KCMF1: variants seen among roughly 807,000 people sequenced by gnomAD.
KCMF1 encodes the protein E3 ubiquitin-protein ligase KCMF1.
A neutral mutation model predicts 41.1 loss-of-function variants in KCMF1; 3 were observed. That is an observed-to-expected ratio of 0.07 (90% confidence interval 0.03 to 0.19). KCMF1 has a LOEUF of 0.19. Among genes scored for constraint, KCMF1 ranks in the 10% least tolerant of loss-of-function variants. The pLI, the probability that KCMF1 is intolerant of heterozygous loss-of-function variation, is 1.00. For missense variants in KCMF1, 286 were observed against 488.9 expected, an observed-to-expected ratio of 0.58 and a Z score of 3.91; for synonymous variants, 142 against 164.5, an observed-to-expected ratio of 0.86 and a Z score of 1.04.
At position 85,053,768 on chromosome 2, in the gene KCMF1, C is replaced by T. The variant is rs1262708958; in HGVS notation, c.*359C>T. On this transcript the variant is annotated 3_prime_UTR_variant, in exon 7 of 7. Coordinates refer to ENST00000409785, the MANE Select transcript of KCMF1 (RefSeq NM_020122.5). Reference sequence around the variant, plus strand: ...AATAAAAACTGCTTGGATGGTTTACCTTAACTACTGCATGAGGTTTTTTGC... The same window carrying T: ...AATAAAAACTGCTTGGATGGTTTACTTTAACTACTGCATGAGGTTTTTTGC... 1 of 171,838 alleles carries T rather than the reference C, an allele frequency of 5.8e-6. No homozygotes were observed. Among genetic ancestry groups the T allele is most frequent in the African/African-American group, 2.4e-5 (1 of 42,082 alleles). The allele number at this position is 171,838 out of a possible 1,614,324, so 10.6% of individuals were successfully genotyped here. A position where few individuals can be genotyped will look rare whatever the true frequency, so the allele number is the denominator to read the frequency against.
intron 1 of KCMF1, among the ~76,000 whole-genome samples, chr2:85,008,340 G>T (rs868145789): frequency 0.048 from 1,310 of 27,224 alleles, 81 homozygotes; most frequent in African/African-American, 0.14. Flanking sequence ...TATATAATAT[G>T]ATATATAATA....
chr2:85,023,317 C>CTTTT (rs551221633), intron 1 of KCMF1, among the ~76,000 whole-genome samples: 12 of 125,192 alleles, frequency 9.6e-5, no homozygotes, highest in East Asian at 2.4e-4. Context: ...TCTGAATAGC[C>CTTTT]TTTTTTTTTT....
chr2:84,990,409 CT>C (rs1223665609), intron 1 of KCMF1, among the ~76,000 whole-genome samples: 2 of 152,008 alleles, frequency 1.3e-5, no homozygotes, highest in African/African-American at 4.8e-5. Context: ...AGAGGAACTT[CT>C]TCTCACTCTG....
At chr2:85,003,212 G>A (rs527856684) in intron 1 of KCMF1, among the ~76,000 whole-genome samples, 4 of 152,206 alleles carry the variant, frequency 2.6e-5, no homozygotes, top group Admixed American at 6.5e-5. Context: ...GGTGGCTCAC[G>A]CCTGTAATCC....
intron 1 of KCMF1, among the ~76,000 whole-genome samples, chr2:85,006,589 G>A (rs900994887): frequency 4.0e-5 from 6 of 151,506 alleles, no homozygotes; most frequent in African/African-American, 1.5e-4. Context: ...GTGAGCCACC[G>A]CGCCCGGCCC....
chr2:84,996,509 C>G (rs2103983933), intron 1 of KCMF1, among the ~76,000 whole-genome samples: 1 of 146,672 alleles, frequency 6.8e-6, no homozygotes, highest in Admixed American at 6.9e-5. Flanking sequence ...AATCCCGGCT[C>G]ACTGGAACCT....
intron 6 of KCMF1, among the ~76,000 whole-genome samples, chr2:85,049,994 A>G (rs529211201): frequency 9.9e-5 from 15 of 152,032 alleles, no homozygotes; most frequent in Non-Finnish European, 1.8e-4. Context: ...TCTTATCTCT[A>G]CAAAAATGAG....
intron 1 of KCMF1, among the ~76,000 whole-genome samples, chr2:85,008,337 T>TATATA (rs1455901576): frequency 2.1e-4 from 1 of 4,768 alleles, no homozygotes; most frequent in Non-Finnish European, 1.2e-3. Flanking sequence ...TAATATATAA[T>TATATA]ATGATATATA....
chr2:85,051,303 T>C (rs914892422), intron 6 of KCMF1, among the ~76,000 whole-genome samples: 55 of 152,150 alleles, frequency 3.6e-4, no homozygotes, highest in African/African-American at 1.3e-3. Context: ...ACATACCAGA[T>C]CTAAGTCCCT....
chr2:85,023,443 T>C (rs979744450), intron 1 of KCMF1, among the ~76,000 whole-genome samples: 1 of 149,822 alleles, frequency 6.7e-6, no homozygotes, highest in Non-Finnish European at 1.5e-5. Flanking sequence ...CTCAGCTTCC[T>C]GAGTAGCTGG....
intron 1 of KCMF1, among the ~76,000 whole-genome samples, chr2:85,001,563 C>T (rs1156437813): frequency 6.6e-6 from 1 of 152,172 alleles, no homozygotes; most frequent in Non-Finnish European, 1.5e-5. Context: ...TTCTTTATTG[C>T]ATTTTCTGTG....
At chr2:84,998,412 G>A (rs1265491865) in intron 1 of KCMF1, among the ~76,000 whole-genome samples, 2 of 151,928 alleles carry the variant, frequency 1.3e-5, no homozygotes, top group Non-Finnish European at 2.9e-5. Context: ...CATATTTATA[G>A]CACCCAGAAA....
At chr2:85,027,573 A>C (rs1234654715) in intron 1 of KCMF1, among the ~76,000 whole-genome samples, 1 of 151,568 alleles carries the variant, frequency 6.6e-6, no homozygotes, top group African/African-American at 2.4e-5. Flanking sequence ...CGGGGTTTCA[A>C]CATGTTGACC....
chr2:85,033,918 C>T (rs1675346655), intron 2 of KCMF1, among the ~76,000 whole-genome samples: 1 of 151,840 alleles, frequency 6.6e-6, no homozygotes, highest in African/African-American at 2.4e-5. Context: ...CGTGGTGGCT[C>T]ATGCCTGTAG....
At chr2:85,042,885 A>G (rs917632864) in intron 3 of KCMF1, among the ~76,000 whole-genome samples, 2 of 151,668 alleles carry the variant, frequency 1.3e-5, no homozygotes, top group African/African-American at 4.8e-5. Context: ...TTTTATTCCT[A>G]CTTTCTCCCA....
intron 1 of KCMF1, among the ~76,000 whole-genome samples, chr2:85,001,256 C>G (rs1674319553): frequency 6.6e-6 from 1 of 151,984 alleles, no homozygotes; most frequent in South Asian, 2.1e-4. Context: ...CTCCCAGGTT[C>G]AAGTGATTCT....
intron 1 of KCMF1, among the ~76,000 whole-genome samples, chr2:84,987,132 A>G (rs2103972774): frequency 6.6e-6 from 1 of 152,296 alleles, no homozygotes; most frequent in Non-Finnish European, 1.5e-5. Context: ...CACGGTAGAT[A>G]AGATAAGAAA....
At position 85,056,662 on chromosome 2, in the gene KCMF1, G is replaced by C. The variant is rs1001478143; in HGVS notation, c.*3253G>C. The C allele has an allele frequency of 2.6e-5, 4 of 152,188 alleles. No individual in the cohort carries two copies. The highest frequency in any genetic ancestry group is 5.9e-5 in the Non-Finnish European group (4 of 68,058). 9.4% of individuals were successfully genotyped at this position (152,188 alleles called of 1,614,324 possible). On this transcript the variant is annotated 3_prime_UTR_variant, in exon 7 of 7. Coordinates refer to ENST00000409785, the MANE Select transcript of KCMF1 (RefSeq NM_020122.5). ...TCTTTTGAATGGGATTCCTGTAACAGTGTTCAGTACCAATATTAAGTCTAC... is the reference window on the plus strand; with the variant it reads ...TCTTTTGAATGGGATTCCTGTAACACTGTTCAGTACCAATATTAAGTCTAC...
In KCMF1 at chr2:85,057,541, C is replaced by T. The variant is rs1675964663; in HGVS notation, c.*4132C>T. The T allele has an allele frequency of 6.6e-6, 1 of 152,232 alleles. No homozygotes were observed. The highest frequency in any genetic ancestry group is 1.5e-5 in the Non-Finnish European group (1 of 68,046). The allele number at this position is 152,232 out of a possible 1,614,324, so 9.4% of individuals were successfully genotyped here. A position where few individuals can be genotyped will look rare whatever the true frequency, so the allele number is the denominator to read the frequency against. Reference sequence around the variant, plus strand: ...CTATTAAACATGGCTATGTCTGAGTCAGTCATTACGGTATTCCAAAGCCAA... The same window carrying T: ...CTATTAAACATGGCTATGTCTGAGTTAGTCATTACGGTATTCCAAAGCCAA... On this transcript the variant is annotated 3_prime_UTR_variant, in exon 7 of 7. Transcript: ENST00000409785.
Sources: gnomAD v4.1 joint callset for allele counts (sites outside exome capture counted in the v4.1 genomes callset) on GRCh38, gnomAD v4.1.1 for gene constraint, MANE v1.5 for transcripts, NCBI Gene and HGNC (gene_info 2026-07-23, HGNC 2026-07-21) for gene names.